Variants in CCDC102B observed in about 807,000 individuals in gnomAD.
CCDC102B encodes coiled-coil domain containing 102B, also known as coiled-coil domain-containing protein 102B.
A neutral mutation model predicts 57.4 loss-of-function variants in CCDC102B; 75 were observed. That is an observed-to-expected ratio of 1.31 (90% CI 1.08 to 1.58). The LOEUF (loss-of-function observed/expected upper bound fraction) is 1.58, where lower values mean the gene tolerates loss of function less well. CCDC102B is among the 40% of genes most tolerant of loss of function. CCDC102B has a pLI of 0.00. For synonymous variants in CCDC102B, 206 were observed against 201.9 expected, an observed-to-expected ratio of 1.02 and a Z score of -0.17; for missense variants, 636 against 582.6, an observed-to-expected ratio of 1.09 and a Z score of -0.94.
intron 4 of CCDC102B, among the ~76,000 whole-genome samples, chr18:68,863,839 C>G (rs2038862349): frequency 6.6e-6 from 1 of 151,870 alleles, no homozygotes; most frequent in African/African-American, 2.4e-5. Flanking sequence ...ACTCAGGAAC[C>G]TCTTTATATT....
At chr18:69,005,878 G>T (rs537606499) in intron 6 of CCDC102B, among the ~76,000 whole-genome samples, 2 of 151,688 alleles carry the variant, frequency 1.3e-5, no homozygotes, top group East Asian at 3.9e-4. Flanking sequence ...ATGGAAATCT[G>T]CTTATAAAAG....
chr18:68,837,680 T>C (rs1176258533), intron 2 of CCDC102B, among the ~76,000 whole-genome samples: 1 of 152,144 alleles, frequency 6.6e-6, no homozygotes, highest in East Asian at 1.9e-4. Context: ...TCTTAAGGTC[T>C]TCTTGTAAGG....
chr18:68,762,658 C>T (rs564606744), intron 2 of CCDC102B, among the ~76,000 whole-genome samples: 4 of 152,142 alleles, frequency 2.6e-5, no homozygotes, highest in African/African-American at 7.2e-5. Context: ...AAAAAAGCAT[C>T]GTGTGTGGAG....
intron 4 of CCDC102B, among the ~76,000 whole-genome samples, chr18:68,852,235 T>C (rs2038161783): frequency 6.6e-6 from 1 of 152,192 alleles, no homozygotes. Context: ...CAATGCCAGT[T>C]TCTTCCCACT....
chr18:68,786,416 G>A (rs1411379200), intron 2 of CCDC102B, among the ~76,000 whole-genome samples: 2 of 130,668 alleles, frequency 1.5e-5, no homozygotes, highest in African/African-American at 6.0e-5. Context: ...ATTACCTTGG[G>A]CAGTATGGCC....
At chr18:68,720,172 ATGT>A (rs1244771834) in intron 2 of CCDC102B, among the ~76,000 whole-genome samples, 2 of 152,196 alleles carry the variant, frequency 1.3e-5, no homozygotes, top group African/African-American at 4.8e-5. Flanking sequence ...ATTCTATGAC[ATGT>A]TGTGCTGTAA....
intron 6 of CCDC102B, among the ~76,000 whole-genome samples, chr18:68,917,772 A>G (rs1432077423): frequency 6.6e-6 from 1 of 152,116 alleles, no homozygotes; most frequent in Non-Finnish European, 1.5e-5. Flanking sequence ...TTTATTTACC[A>G]AGAATCGCTA....
intron 6 of CCDC102B, among the ~76,000 whole-genome samples, chr18:68,986,036 C>T (rs1306623711): frequency 1.3e-5 from 2 of 152,108 alleles, no homozygotes; most frequent in Admixed American, 6.5e-5. Flanking sequence ...TGATGTGTTT[C>T]ATGTTTAAGG....
At chr18:69,051,825 T>G (rs2052712877) in intron 7 of CCDC102B, among the ~76,000 whole-genome samples, 2 of 152,054 alleles carry the variant, frequency 1.3e-5, no homozygotes, top group East Asian at 1.9e-4. Flanking sequence ...TCAAAATGTG[T>G]TTGTATAGGA....
intron 3 of CCDC102B, among the ~76,000 whole-genome samples, chr18:68,840,891 G>A (rs1036606389): frequency 3.9e-5 from 6 of 152,138 alleles, no homozygotes; most frequent in Non-Finnish European, 8.8e-5. Flanking sequence ...ACAATTCTCA[G>A]AGTAAGTACA....
intron 2 of CCDC102B, among the ~76,000 whole-genome samples, chr18:68,781,314 A>T (rs923459375): frequency 3.6e-5 from 5 of 138,232 alleles, no homozygotes; most frequent in African/African-American, 1.3e-4. Context: ...CAGAAAATTA[A>T]TAAGAGAAGA....
chr18:69,042,806 C>T (rs1293789247), intron 7 of CCDC102B, among the ~76,000 whole-genome samples: 2 of 151,990 alleles, frequency 1.3e-5, no homozygotes, highest in African/African-American at 4.8e-5. Context: ...AAAAGCATAG[C>T]TTGAAAATAA....
At chr18:68,769,372 A>C (rs1445933642) in intron 2 of CCDC102B, among the ~76,000 whole-genome samples, 3 of 152,096 alleles carry the variant, frequency 2.0e-5, no homozygotes, top group Non-Finnish European at 4.4e-5. Context: ...ACTTGATCTC[A>C]TCTAACCCTT....
chr18:69,007,390 A>G (rs1384229658), intron 6 of CCDC102B, among the ~76,000 whole-genome samples: 1 of 152,238 alleles, frequency 6.6e-6, no homozygotes, highest in Non-Finnish European at 1.5e-5. Context: ...CTCAAGGCGC[A>G]TATATCTTCC....
chr18:68,844,282 T>C (rs1372928841), intron 3 of CCDC102B, among the ~76,000 whole-genome samples: 1 of 151,882 alleles, frequency 6.6e-6, no homozygotes, highest in Non-Finnish European at 1.5e-5. Context: ...TTTTCAAGTA[T>C]GTTTCCATTC....
chr18:68,775,799 G>A (rs999961536), intron 2 of CCDC102B, among the ~76,000 whole-genome samples: 9 of 151,702 alleles, frequency 5.9e-5, no homozygotes, highest in African/African-American at 9.7e-5. Context: ...GACTACAGGC[G>A]CCCGCCACCA....
At chr18:68,738,527 G>A (rs892600210) in intron 2 of CCDC102B, among the ~76,000 whole-genome samples, 2 of 152,170 alleles carry the variant, frequency 1.3e-5, no homozygotes, top group South Asian at 2.1e-4. Context: ...CGATGGTGGT[G>A]TGACAGAGCT....
rs536515494 is a variant in CCDC102B at position 68,737,478 on chromosome 18, A to AGTG, written c.-67+20888_-67+20890dup. ...TGGTGGTGGTGGTGGTGGTAGTGGC[A>AGTG]GTGGTGTGTGTATGTGTGTGTGTCT... On this transcript the variant is annotated intron_variant, in intron 2 of 3. Transcript: ENST00000578970. 5.3e-5 allele frequency among the ~76,000 whole-genome samples: 8 copies of AGTG among 149,986 alleles called. No homozygotes were observed. The East Asian group carries it at 1.4e-3, about 26-fold the overall frequency.
chr18:68,991,034 TC>T (rs1160547927), intron 6 of CCDC102B, among the ~76,000 whole-genome samples: 1 of 152,122 alleles, frequency 6.6e-6, no homozygotes, highest in African/African-American at 2.4e-5. Flanking sequence ...CTGAGTTACT[TC>T]CTATTAATTT....
Sources: gnomAD v4.1 joint callset for allele counts (sites outside exome capture counted in the v4.1 genomes callset) on GRCh38, gnomAD v4.1.1 for gene constraint, MANE v1.5 for transcripts, NCBI Gene and HGNC (gene_info 2026-07-23, HGNC 2026-07-21) for gene names.